SDC4: variants seen among roughly 807,000 people sequenced by gnomAD.
The protein encoded by SDC4 is syndecan 4.
Under a neutral mutation model 20.5 loss-of-function variants are expected in SDC4, and 17 were observed. The ratio of observed to expected loss-of-function variants is 0.83; its 90% CI spans 0.57 to 1.25. The LOEUF (loss-of-function observed/expected upper bound fraction) is 1.25, where lower values mean the gene tolerates loss of function less well. Among genes scored for constraint, SDC4 ranks in the 50% most tolerant of loss-of-function variants. The pLI is 0.00. For missense variants in SDC4, 241 were observed against 252.3 expected (o/e 0.96, Z 0.30); for synonymous variants, 107 against 105.3 (o/e 1.02, Z -0.10).
intron 1 of SDC4, among the ~76,000 whole-genome samples, chr20:45,347,033 G>A (rs1988041619): frequency 6.6e-6 from 1 of 152,136 alleles, no homozygotes; most frequent in African/African-American, 2.4e-5. Flanking sequence ...CAGTAAGATT[G>A]TTGTTGGAAT....
At chr20:45,342,170 C>T (rs764567570) in intron 1 of SDC4, among the ~76,000 whole-genome samples, 1 of 152,186 alleles carries the variant, frequency 6.6e-6, no homozygotes, top group Non-Finnish European at 1.5e-5. Context: ...CCTGTGTTCT[C>T]AGAGCAGAGT....
chr20:45,333,131 C>G (rs1987804956), intron 2 of SDC4, 62 bp from the exon 3 acceptor site: 2 of 1,498,990 alleles, frequency 1.3e-6, no homozygotes, highest in African/African-American at 2.8e-5. Flanking sequence ...ACCCCTTCAG[C>G]CAGGACTGGT....
intron 4 of SDC4, among the ~76,000 whole-genome samples, chr20:45,328,506 T>C (rs1987729147): frequency 6.6e-6 from 1 of 152,184 alleles, no homozygotes; most frequent in African/African-American, 2.4e-5. Flanking sequence ...CAGGAGGTGC[T>C]TAATAAATGA....
chr20:45,330,255 G>C (rs1987755291), intron 4 of SDC4, 111 bp downstream of exon 4: 2 of 961,240 alleles, frequency 2.1e-6, no homozygotes, highest in South Asian at 2.8e-5. Context: ...TAGGCAAAAG[G>C]AAGGGGCACC....
chr20:45,346,194 G>C (rs531435810), intron 1 of SDC4, among the ~76,000 whole-genome samples: 1 of 152,304 alleles, frequency 6.6e-6, no homozygotes, highest in African/African-American at 2.4e-5. Context: ...GGACACGCTG[G>C]ATCATCTCTT....
In SDC4 at chr20:45,348,240, C is replaced by CCCT. The variant is rs2145720151; in HGVS notation, c.60+84_60+85insAGG. 4.2e-6 allele frequency: 5 copies of CCCT among 1,192,060 alleles called. No homozygotes were observed. In the South Asian group the frequency reaches 6.5e-5, roughly 16 times the overall value. 73.8% of individuals were successfully genotyped at this position (1,192,060 alleles called of 1,614,324 possible). A position where few individuals can be genotyped will look rare whatever the true frequency, so the allele number is the denominator to read the frequency against. ...GGGTAGCGTACCCCCGATCTGCCCC[C>CCCT]CCCCATCCCACGCTCCGACGAACAA... On this transcript the variant is annotated intron_variant, in intron 1 of 4. Transcript: ENST00000372733.
chr20:45,328,331 A>G (rs911466169), intron 4 of SDC4, among the ~76,000 whole-genome samples: 7 of 152,208 alleles, frequency 4.6e-5, no homozygotes, highest in Non-Finnish European at 8.8e-5. Context: ...GCAAAATGGG[A>G]AGAGCCATAC....
chr20:45,341,925 A>G (rs1332372748), intron 1 of SDC4, among the ~76,000 whole-genome samples: 1 of 152,142 alleles, frequency 6.6e-6, no homozygotes, highest in Non-Finnish European at 1.5e-5. Context: ...TCTGAGCCTC[A>G]GTTTTCCAAT....
Position 45,342,878 on chromosome 20 carries a change from A to G in SDC4, c.60+5447T>C, listed in dbSNP as rs78505460. Among the ~76,000 whole-genome samples, 703 of 152,318 alleles carry G rather than the reference A, an allele frequency of 4.6e-3. 8 individuals carry two copies. The highest frequency in any genetic ancestry group is 0.016 in the African/African-American group (676 of 41,576). On this transcript the variant is annotated intron_variant, in intron 1 of 4. Coordinates refer to ENST00000372733, the MANE Select transcript of SDC4 (RefSeq NM_002999.4). The stretch of plus-strand genomic sequence containing the variant: ...CACAGACACCACCTCCCCAAAGCCA[A>G]ACTCTGGCCGGGTTAAGAACCCTCG...
intron 1 of SDC4, among the ~76,000 whole-genome samples, chr20:45,339,652 A>G (rs1987926115): frequency 6.6e-6 from 1 of 152,176 alleles, no homozygotes; most frequent in South Asian, 2.1e-4. Flanking sequence ...AAGTGGGAGG[A>G]TCACTTGAGC....
intron 2 of SDC4, 88 bp downstream of exon 2, chr20:45,335,694 A>C: frequency 7.1e-7 from 1 of 1,413,626 alleles, no homozygotes; most frequent in South Asian, 1.3e-5. Flanking sequence ...CAAAAATCCA[A>C]GTCTCAAGGC....
intron 4 of SDC4, among the ~76,000 whole-genome samples, chr20:45,329,195 A>T (rs1342190247): frequency 1.3e-5 from 2 of 152,140 alleles, no homozygotes; most frequent in South Asian, 4.1e-4. Context: ...TAACAATATA[A>T]CTTTTCACAT....
rs1042836815 is a variant in SDC4, at chr20:45,345,061, A to T, written c.60+3264T>A. 4 of 152,240 alleles carry T rather than the reference A, an allele frequency of 2.6e-5. No individual in the cohort carries two copies. In the East Asian group the frequency reaches 7.7e-4, roughly 29 times the overall value. The allele number at this position is 152,240 out of a possible 1,614,324, so 9.4% of individuals were successfully genotyped here. Reference sequence around the variant, plus strand: ...AAAAATAGAGAAAATGGTACCTCGCAGTACTGGGAGATACTCATACTAGCA... The same window carrying T: ...AAAAATAGAGAAAATGGTACCTCGCTGTACTGGGAGATACTCATACTAGCA... On this transcript the variant is annotated intron_variant, in intron 1 of 4. Transcript: ENST00000372733.
chr20:45,347,485 G>A (rs1039766827), intron 1 of SDC4, among the ~76,000 whole-genome samples: 1 of 152,122 alleles, frequency 6.6e-6, no homozygotes, highest in Non-Finnish European at 1.5e-5. Context: ...AGTGGACAGT[G>A]AGAAGGAAAG....
chr20:45,338,608 G>A (rs547569207), intron 1 of SDC4, among the ~76,000 whole-genome samples: 1 of 152,202 alleles, frequency 6.6e-6, no homozygotes, highest in Non-Finnish European at 1.5e-5. Flanking sequence ...CATGCCCACT[G>A]GCTGTTAGGA....
At chr20:45,339,515 A>G (rs1448307914) in intron 1 of SDC4, among the ~76,000 whole-genome samples, 1 of 152,214 alleles carries the variant, frequency 6.6e-6, no homozygotes, top group Non-Finnish European at 1.5e-5. Context: ...TTGGGAGGCC[A>G]AGGTGGGAGG....
At chr20:45,339,910 A>G (rs1474715217) in intron 1 of SDC4, among the ~76,000 whole-genome samples, 1 of 152,164 alleles carries the variant, frequency 6.6e-6, no homozygotes. Flanking sequence ...AGAAACTAAC[A>G]CCTGCCAACA....
chr20:45,335,078 G>T (rs377740243), intron 2 of SDC4, among the ~76,000 whole-genome samples: 1 of 148,544 alleles, frequency 6.7e-6, no homozygotes, highest in Non-Finnish European at 1.5e-5. Flanking sequence ...CCCTTCACCC[G>T]CCCCCACCCC....
At chr20:45,343,984 T>C (rs1013163812) in intron 1 of SDC4, among the ~76,000 whole-genome samples, 25 of 152,172 alleles carry the variant, frequency 1.6e-4, no homozygotes, top group Admixed American at 3.9e-4. Flanking sequence ...TGGAGTTAAG[T>C]CTGTGTAACA....
Sources: gnomAD v4.1 joint callset for allele counts (sites outside exome capture counted in the v4.1 genomes callset) on GRCh38, gnomAD v4.1.1 for gene constraint, MANE v1.5 for transcripts, NCBI Gene and HGNC (gene_info 2026-07-23, HGNC 2026-07-21) for gene names.